Variants in DOCK4 observed in about 807,000 individuals in gnomAD.
The protein encoded by DOCK4 is dedicator of cytokinesis protein 4.
A neutral mutation model predicts 268.1 loss-of-function variants in DOCK4; 97 were observed. The ratio of observed to expected loss-of-function variants is 0.36; its 90% CI spans 0.31 to 0.43. The LOEUF (loss-of-function observed/expected upper bound fraction) is 0.43. DOCK4 is among the 20% of genes least tolerant of loss of function. The probability of loss-of-function intolerance (pLI) is 1.00; values close to 1 mark genes in which losing one functional copy is unlikely to be tolerated. For missense variants in DOCK4, 2,145 were observed against 2,455.7 expected, an observed-to-expected ratio of 0.87 and a Z score of 2.67; for synonymous variants, 954 against 887.2, an observed-to-expected ratio of 1.08 and a Z score of -1.34.
At chr7:111,933,388 T>C (rs987179877) in intron 12 of DOCK4, among the ~76,000 whole-genome samples, 17 of 149,240 alleles carry the variant, frequency 1.1e-4, no homozygotes, top group African/African-American at 3.9e-4. Context: ...TCCGACTCCC[T>C]GGTTTAAGCG....
At chr7:112,118,133 A>AATATATAT (rs71867772) in intron 1 of DOCK4, among the ~76,000 whole-genome samples, 4 of 148,546 alleles carry the variant, frequency 2.7e-5, no homozygotes, top group South Asian at 4.2e-4. Context: ...TCTTATTTAT[A>AATATATAT]ATATATATAT....
Position 111,979,146 on chromosome 7 carries a change from G to A in DOCK4, c.550-1863C>T, listed in dbSNP as rs561362441. Among the ~76,000 whole-genome samples the A allele has an allele frequency of 2.6e-5, 4 of 152,290 alleles. No individual in the cohort carries two copies. In the East Asian group the frequency reaches 7.7e-4, roughly 29 times the overall value. On this transcript the variant is annotated intron_variant, in intron 7 of 52. Transcript: ENST00000428084. ...TGACCAAATGAAGCCAAAATGTCAT[G>A]TAAATTTACAAGTGTTAACACAACA...
chr7:111,983,040 T>C (rs1017712812), intron 7 of DOCK4, among the ~76,000 whole-genome samples: 3 of 152,176 alleles, frequency 2.0e-5, no homozygotes, highest in Non-Finnish European at 4.4e-5. Context: ...AGATACTCTG[T>C]TTAGTACTGA....
chr7:112,132,927 C>G (rs1813938492), intron 1 of DOCK4, among the ~76,000 whole-genome samples: 1 of 152,170 alleles, frequency 6.6e-6, no homozygotes, highest in African/African-American at 2.4e-5. Context: ...CTAAGTGTCA[C>G]TCCTGAATTT....
rs1797813091 is a variant in DOCK4, at chr7:111,767,158, A to G, written c.3829-40T>C. The stretch of plus-strand genomic sequence containing the variant: ...ATGAGATCAATGGAACCATCTGACA[A>G]TATCCACTTACTTCTACCCAAAAGT... On this transcript the variant is annotated intron_variant, in intron 37 of 52. Coordinates refer to ENST00000428084, the MANE Select transcript of DOCK4 (RefSeq NM_001363540.2). 1.3e-6 allele frequency: 2 copies of G among 1,552,878 alleles called. 1 individual carries two copies. Among genetic ancestry groups the G allele is most frequent in the Non-Finnish European group, 1.8e-6 (2 of 1,127,840 alleles).
In DOCK4 at chr7:112,175,924, T is replaced by C. The variant is rs111891450; in HGVS notation, c.37+30178A>G. ...TAGTTTGAATTCATTCTGGGACATA[T>C]GCCAAAAAAATCTCAGGGTGATCTA... is the stretch of plus-strand genomic sequence containing the variant. On this transcript the variant is annotated intron_variant, in intron 1 of 52. Transcript: ENST00000428084. Among the ~76,000 whole-genome samples, 794 of 152,320 alleles carry C rather than the reference T, an allele frequency of 5.2e-3. 9 individuals carry two copies. Among genetic ancestry groups the C allele is most frequent in the African/African-American group, 0.018 (749 of 41,566 alleles).
At chr7:112,022,216 C>T (rs1296461055) in intron 1 of DOCK4, among the ~76,000 whole-genome samples, 4 of 152,126 alleles carry the variant, frequency 2.6e-5, no homozygotes, top group Non-Finnish European at 4.4e-5. Context: ...AAACATCTAC[C>T]GCAGACTGGA....
chr7:111,767,004 C>G (rs775111317), intron 38 of DOCK4, 28 bp downstream of exon 38: 1 of 1,576,122 alleles, frequency 6.3e-7, no homozygotes, highest in Non-Finnish European at 8.7e-7. Context: ...AGGCTATGGC[C>G]TGATCAGGAT....
intron 1 of DOCK4, among the ~76,000 whole-genome samples, chr7:112,165,172 T>C (rs773772631): frequency 6.6e-6 from 1 of 152,124 alleles, no homozygotes; most frequent in East Asian, 1.9e-4. Context: ...GAAGCCAGGG[T>C]ATTTAGGGTG....
Position 111,742,027 on chromosome 7 carries a change from T to G in DOCK4, c.4783A>C (p.Ser1595Arg). ...AGTATACATACCTGTATCCCTAAGC[T>G]CGACTTCATCACAAAGAATTGGTCA... The part of the protein sequence containing the change: ...LVDQFFVMKS[S>R]LGIQEFSACM... The change falls in exon 45 of 53, where the codon AGC becomes CGC. Residue 1595 changes from serine (S) to arginine (R), a missense_variant. By Grantham distance (110) the Ser-to-Arg change is moderately radical. This residue lies in a region of DOCK4 where 1,598 missense variants were observed against 1,986.7 expected (regional missense o/e 0.80). Coordinates refer to ENST00000428084, the MANE Select transcript of DOCK4 (RefSeq NM_001363540.2). The G allele has an allele frequency of 6.2e-7, 1 of 1,603,124 alleles. No homozygotes were observed.
Position 111,822,401 on chromosome 7 carries a change from A to C in DOCK4, c.2891T>G (p.Phe964Cys). Residue 964 changes from phenylalanine to cysteine, a missense_variant, in exon 27 of 53, where the codon TTT becomes TGT. By Grantham distance (205) the Phe-to-Cys change is radical (BLOSUM62 -2). Around this residue, in one of 2 missense-constraint regions of DOCK4, gnomAD observed 1,598 missense variants for 1,986.7 expected, o/e 0.80. Coordinates refer to ENST00000428084, the MANE Select transcript of DOCK4 (RefSeq NM_001363540.2). ...GCGCATAACAGTCCAGTCCTTTGGA[A>C]ACATCTCCGGGCGTATCAATATTCG... ...VFRILIRPEM[F>C]PKDWTVMRLV... 1 of 1,613,702 alleles carries C rather than the reference A, an allele frequency of 6.2e-7. No individual in the cohort carries two copies. Among genetic ancestry groups the C allele is most frequent in the Non-Finnish European group, 8.5e-7 (1 of 1,179,776 alleles).
chr7:111,816,220 G>A (rs1043392008), intron 27 of DOCK4, among the ~76,000 whole-genome samples: 11 of 151,864 alleles, frequency 7.2e-5, no homozygotes, highest in Non-Finnish European at 1.2e-4. Flanking sequence ...ACACAAGCCC[G>A]TCTCCAAAAA....
chr7:111,776,527 G>A (rs1446683425), intron 36 of DOCK4, among the ~76,000 whole-genome samples: 3 of 152,138 alleles, frequency 2.0e-5, no homozygotes, highest in Non-Finnish European at 4.4e-5. Flanking sequence ...AAAATGAACA[G>A]AGTTCCAGGA....
intron 8 of DOCK4, among the ~76,000 whole-genome samples, chr7:111,964,085 G>C (rs549846062): frequency 3.9e-4 from 57 of 147,296 alleles, no homozygotes; most frequent in African/African-American, 1.3e-3. Context: ...ACCAAAAGTA[G>C]ATAAAACCAC....
chr7:112,118,302 A>C (rs1368271033), intron 1 of DOCK4, among the ~76,000 whole-genome samples: 7 of 152,016 alleles, frequency 4.6e-5, no homozygotes, highest in Non-Finnish European at 1.5e-5. Flanking sequence ...TATTTTAGAG[A>C]ATTTATAGGA....
chr7:111,804,115 G>A (rs1440444905), intron 30 of DOCK4, among the ~76,000 whole-genome samples: 1 of 152,204 alleles, frequency 6.6e-6, no homozygotes, highest in Non-Finnish European at 1.5e-5. Flanking sequence ...CTGAAAGCCA[G>A]ATTCTCAGAG....
chr7:111,950,087 C>G (rs143546462), intron 8 of DOCK4, among the ~76,000 whole-genome samples: 1 of 152,162 alleles, frequency 6.6e-6, no homozygotes, highest in Admixed American at 6.5e-5. Flanking sequence ...CCACCCCACT[C>G]AGCTAATTTT....
intron 4 of DOCK4, among the ~76,000 whole-genome samples, 197 bp downstream of exon 4, chr7:111,998,251 T>C (rs34645464): frequency 0.26 from 39,077 of 152,088 alleles, 5,690 homozygotes; most frequent in East Asian, 0.44. Context: ...CAGATCCTCT[T>C]GTCCAGCACA....
intron 12 of DOCK4, among the ~76,000 whole-genome samples, chr7:111,923,053 A>C (rs1278794992): frequency 2.0e-5 from 3 of 152,182 alleles, no homozygotes; most frequent in African/African-American, 4.8e-5. Context: ...TGGGTGTCAA[A>C]AATATTTGGA....
Sources: allele counts gnomAD v4.1 joint callset (sites outside exome capture counted in the v4.1 genomes callset), GRCh38; gene constraint gnomAD v4.1.1; regional missense constraint gnomAD v4.1.1; transcripts MANE v1.5; gene names NCBI Gene and HGNC (gene_info 2026-07-23, HGNC 2026-07-21).